The following CPQ variants were observed in gnomAD, a reference collection of about 807,000 sequenced individuals.
The protein encoded by CPQ is carboxypeptidase Q.
Under a neutral mutation model 45.7 loss-of-function variants are expected in CPQ, and 37 were observed. That is an observed-to-expected ratio of 0.81 (90% CI 0.62 to 1.07). The LOEUF is 1.07. CPQ is among the 50% of genes least tolerant of loss of function. The probability of loss-of-function intolerance (pLI) is 0.00; values close to 1 mark genes in which losing one functional copy is unlikely to be tolerated. For missense variants in CPQ, 537 were observed against 572.9 expected, an observed-to-expected ratio of 0.94 and a Z score of 0.64; for synonymous variants, 186 against 205.8, an observed-to-expected ratio of 0.90 and a Z score of 0.82.
At chr8:96,872,942 A>G (rs927374621) in intron 3 of CPQ, among the ~76,000 whole-genome samples, 2 of 151,870 alleles carry the variant, frequency 1.3e-5, no homozygotes, top group East Asian at 3.9e-4. Flanking sequence ...TTATATTTTT[A>G]TGTTTAAGAG....
chr8:96,681,225 A>G lies in CPQ; in HGVS notation c.-35+35823A>G, dbSNP rs367878763. Among the ~76,000 whole-genome samples the G allele has an allele frequency of 1.2e-4, 19 of 152,336 alleles. 2 individuals are homozygous for G. The highest frequency in any genetic ancestry group is 4.6e-4 in the African/African-American group (19 of 41,586). Reference sequence around the variant, plus strand: ...GAAAATGACTCCAGGGCAGGTCAGAAGTCTTCATGGTAGCCCCTCCCATCA... The same window carrying G: ...GAAAATGACTCCAGGGCAGGTCAGAGGTCTTCATGGTAGCCCCTCCCATCA... On this transcript the variant is annotated intron_variant, in intron 1 of 7. Coordinates refer to ENST00000220763, the MANE Select transcript of CPQ (RefSeq NM_016134.4).
In CPQ at chr8:97,029,963, T is replaced by C. The variant is rs1283157479; in HGVS notation, c.1053+469T>C. ...GGAAATGGCAGCAGCCACAGGCCTC[T>C]GTCCCAGGAATGTGGAGGACAGCTT... On this transcript the variant is annotated intron_variant, in intron 6 of 7. Transcript: ENST00000220763. 2.6e-5 allele frequency among the ~76,000 whole-genome samples: 4 copies of C among 152,192 alleles called. No individual in the cohort carries two copies. The East Asian group carries it at 7.7e-4, about 29-fold the overall frequency.
chr8:96,957,809 A>C lies in CPQ; in HGVS notation c.850-8126A>C, dbSNP rs146162101. The stretch of plus-strand genomic sequence containing the variant: ...GTGAAACTGTGTCTCAAAAAAACAA[A>C]AAAAAAAAAGTCTGTAGGGTACCAA... On this transcript the variant is annotated intron_variant, in intron 4 of 7. Transcript: ENST00000220763. Among the ~76,000 whole-genome samples the C allele has an allele frequency of 9.8e-3, 1,493 of 151,750 alleles. 12 individuals carry two copies. The highest frequency in any genetic ancestry group is 0.078 in the Middle Eastern group (23 of 294).
At chr8:96,660,972 T>C (rs912261215) in intron 1 of CPQ, among the ~76,000 whole-genome samples, 3 of 152,234 alleles carry the variant, frequency 2.0e-5, no homozygotes, top group Non-Finnish European at 4.4e-5. Context: ...TCATTTGCCT[T>C]CTTCTTTCAC....
chr8:96,905,564 C>T (rs1812564862), intron 4 of CPQ, among the ~76,000 whole-genome samples: 1 of 152,048 alleles, frequency 6.6e-6, no homozygotes. Context: ...TTGAGAGCAG[C>T]GTGAGCCAAA....
chr8:96,970,765 G>A lies in CPQ; in HGVS notation c.961+4719G>A, dbSNP rs965399934. Among the ~76,000 whole-genome samples, 92 of 152,058 alleles carry A rather than the reference G, an allele frequency of 6.1e-4. 1 individual carries two copies. The highest frequency in any genetic ancestry group is 2.1e-3 in the African/African-American group (87 of 41,500). Reference sequence around the variant, plus strand: ...TTTTTAGTAGAGACGGGGTTTCACCGTGTTAGCCAGGATGGTCTCTATCTC... The same window carrying A: ...TTTTTAGTAGAGACGGGGTTTCACCATGTTAGCCAGGATGGTCTCTATCTC... On this transcript the variant is annotated intron_variant, in intron 5 of 7. Transcript: ENST00000220763.
intron 4 of CPQ, among the ~76,000 whole-genome samples, chr8:96,892,607 C>T (rs1301260283): frequency 1.3e-5 from 2 of 152,032 alleles, no homozygotes; most frequent in African/African-American, 2.4e-5. Context: ...TAGAACCAGC[C>T]AACCTAAATC....
chr8:96,906,894 T>C (rs1273633489), intron 4 of CPQ, among the ~76,000 whole-genome samples: 1 of 152,072 alleles, frequency 6.6e-6, no homozygotes, highest in Admixed American at 6.5e-5. Flanking sequence ...AGTCAAACAA[T>C]AGATTTTTAA....
chr8:97,001,146 C>T (rs1178231108), intron 5 of CPQ, among the ~76,000 whole-genome samples: 2 of 152,068 alleles, frequency 1.3e-5, no homozygotes, highest in African/African-American at 4.8e-5. Flanking sequence ...TGGGCTGAGA[C>T]AATGGAGTTT....
At chr8:96,989,466 C>G (rs7817424) in intron 5 of CPQ, among the ~76,000 whole-genome samples, 130 of 36,352 alleles carry the variant, frequency 3.6e-3, no homozygotes, top group African/African-American at 6.9e-3. Context: ...AGGAGCAGAG[C>G]GGAGGGGAGG....
intron 6 of CPQ, among the ~76,000 whole-genome samples, chr8:97,054,592 TAA>T (rs1340438008): frequency 6.6e-6 from 1 of 152,060 alleles, no homozygotes; most frequent in Non-Finnish European, 1.5e-5. Flanking sequence ...CACTCAGCCA[TAA>T]AAGAGTGAAA....
In CPQ at chr8:97,066,027, A is replaced by T; in HGVS notation, c.1072A>T (p.Ser358Cys). The T allele has an allele frequency of 6.2e-7, 1 of 1,610,280 alleles. No individual in the cohort carries two copies. Among genetic ancestry groups the T allele is most frequent in the East Asian group, 2.2e-5 (1 of 44,816 alleles). Residue 358 changes from serine (S) to cysteine (C), a missense_variant, in exon 7 of 8, where the codon AGT (serine) becomes TGT (cysteine). Transcript: ENST00000220763. ...QLHKVNISNY[S>C]LVMESDAGTF... is the part of the protein sequence containing the mutation. ...TGTTTAGGTAAATATTTCCAACTAC[A>T]GTCTGGTGATGGAGTCTGACGCAGG...
At chr8:96,954,036 G>A (rs961367877) in intron 4 of CPQ, among the ~76,000 whole-genome samples, 9 of 152,116 alleles carry the variant, frequency 5.9e-5, no homozygotes, top group African/African-American at 9.7e-5. Context: ...ATCAAGGGCC[G>A]AGTTAAGTTA....
chr8:97,096,196 GGT>G (rs1811208074), intron 7 of CPQ, among the ~76,000 whole-genome samples: 1 of 152,066 alleles, frequency 6.6e-6, no homozygotes, highest in Non-Finnish European at 1.5e-5. Context: ...CACTGAGAGA[GGT>G]AAGTACCTTG....
At chr8:96,699,230 A>G (rs2130744060) in intron 1 of CPQ, among the ~76,000 whole-genome samples, 1 of 152,328 alleles carries the variant, frequency 6.6e-6, no homozygotes, top group Non-Finnish European at 1.5e-5. Flanking sequence ...AGCCAGGTAC[A>G]GAAAGACAAA....
At chr8:96,974,279 A>G (rs1813737098) in intron 5 of CPQ, among the ~76,000 whole-genome samples, 1 of 152,204 alleles carries the variant, frequency 6.6e-6, no homozygotes, top group Non-Finnish European at 1.5e-5. Context: ...ATGAAGAGAG[A>G]CATTATATAA....
intron 1 of CPQ, among the ~76,000 whole-genome samples, chr8:96,654,750 A>G (rs904342881): frequency 3.9e-5 from 6 of 152,228 alleles, no homozygotes; most frequent in African/African-American, 1.4e-4. Context: ...GTTCTTGTTT[A>G]AGCCAAAAGA....
intron 4 of CPQ, among the ~76,000 whole-genome samples, chr8:96,937,031 T>C (rs1813061180): frequency 1.3e-5 from 2 of 152,250 alleles, no homozygotes; most frequent in South Asian, 4.1e-4. Flanking sequence ...TCCCTTTTTC[T>C]TTCCAGTATT....
chr8:96,748,563 A>T (rs1810219051), intron 1 of CPQ, among the ~76,000 whole-genome samples: 1 of 151,292 alleles, frequency 6.6e-6, no homozygotes, highest in Non-Finnish European at 1.5e-5. Flanking sequence ...TATTAATAAT[A>T]AAAAAAAACC....
Sources: allele counts gnomAD v4.1 joint callset (sites outside exome capture counted in the v4.1 genomes callset), GRCh38; gene constraint gnomAD v4.1.1; transcripts MANE v1.5; gene names NCBI Gene and HGNC (gene_info 2026-07-23, HGNC 2026-07-21).